KRIT1: variants seen among roughly 807,000 people sequenced by gnomAD.
The protein encoded by KRIT1 is KRIT1 ankyrin repeat containing.
In KRIT1, 45 loss-of-function variants were observed where a neutral mutation model predicts 95.8. The observed-to-expected ratio is 0.47, with a 90% CI of 0.37 to 0.60. The LOEUF (loss-of-function observed/expected upper bound fraction) is 0.60. Ranked by LOEUF, KRIT1 falls within the 20% of genes least tolerant of loss-of-function variation. The probability of loss-of-function intolerance (pLI) is 0.00; values close to 1 mark genes in which losing one functional copy is unlikely to be tolerated. For synonymous variants in KRIT1, 282 were observed against 278.8 expected (o/e 1.01, Z -0.11); for missense variants, 788 against 877.5 (o/e 0.90, Z 1.29).
intron 17 of KRIT1, among the ~76,000 whole-genome samples, chr7:92,207,632 G>A (rs1051801436): frequency 6.6e-6 from 1 of 152,142 alleles, no homozygotes; most frequent in East Asian, 1.9e-4. Flanking sequence ...CGAGGTGGTT[G>A]GATCACCTGA....
At chr7:92,211,066 T>TTATACA (rs2131275457) in intron 17 of KRIT1, among the ~76,000 whole-genome samples, 1 of 152,292 alleles carries the variant, frequency 6.6e-6, no homozygotes, top group African/African-American at 2.4e-5. Context: ...AAGGGAACTT[T>TTATACA]TATACAGAGT....
chr7:92,236,659 A>G, intron 6 of KRIT1, 117 bp from the exon 7 acceptor site: 1 of 742,452 alleles, frequency 1.3e-6, no homozygotes, highest in Non-Finnish European at 2.3e-6. Context: ...AAATTGTTCT[A>G]GATTTGGAAT....
At chr7:92,235,824 A>AT (rs566891412) in intron 7 of KRIT1, 178 bp from the exon 8 acceptor site, 2 of 566,432 alleles carry the variant, frequency 3.5e-6, no homozygotes, top group Non-Finnish European at 6.0e-6. Flanking sequence ...TTGCAAATTG[A>AT]TTTTTTTAAC....
chr7:92,213,742 C>T, intron 16 of KRIT1, 150 bp downstream of exon 16: 1 of 632,736 alleles, frequency 1.6e-6, no homozygotes, highest in Non-Finnish European at 2.8e-6. Flanking sequence ...AAATATCTTG[C>T]TACTTTCAAT....
intron 5 of KRIT1, among the ~76,000 whole-genome samples, chr7:92,238,569 T>C (rs1259132064): frequency 2.6e-5 from 4 of 152,216 alleles, no homozygotes; most frequent in Non-Finnish European, 5.9e-5. Context: ...GTACAAAATA[T>C]AAGTGCTAGA....
intron 10 of KRIT1, among the ~76,000 whole-genome samples, chr7:92,228,586 T>C (rs960243230): frequency 3.3e-5 from 5 of 152,232 alleles, no homozygotes; most frequent in Admixed American, 6.5e-5. Context: ...GTTTTGCTAT[T>C]CTTTTTTTAA....
Position 92,201,366 on chromosome 7 carries a change from T to C in KRIT1, c.2083A>G (p.Thr695Ala), listed in dbSNP as rs774503666. The change falls in exon 18 of 19, where the codon ACT (threonine) becomes GCT (alanine). Residue 695 changes from threonine (T) to alanine (A), a missense_variant. Coordinates refer to ENST00000394505, the MANE Select transcript of KRIT1 (RefSeq NM_194454.3). ...CFMWQLGDTD[T>A]CFQIHSMENK... ...TCCATGCTATGGATCTGAAAACAAG[T>C]ATCAGTATCTCCCAATTGCCACATA... 1.9e-6 allele frequency: 3 copies of C among 1,601,558 alleles called. No homozygotes were observed. Among genetic ancestry groups the C allele is most frequent in the South Asian group, 1.1e-5 (1 of 90,830 alleles).
intron 17 of KRIT1, among the ~76,000 whole-genome samples, chr7:92,209,413 C>CA (rs764262618): frequency 6.6e-6 from 1 of 152,094 alleles, no homozygotes; most frequent in Non-Finnish European, 1.5e-5. Flanking sequence ...AACAGGAAGT[C>CA]AAACTGTCCC....
chr7:92,233,077 T>C (rs1563297150), intron 10 of KRIT1, among the ~76,000 whole-genome samples: 1 of 151,766 alleles, frequency 6.6e-6, no homozygotes, highest in South Asian at 2.1e-4. Flanking sequence ...TTAAAGACAA[T>C]TAGAGTAACT....
chr7:92,219,616 T>C (rs1794715472), intron 14 of KRIT1, among the ~76,000 whole-genome samples: 1 of 152,216 alleles, frequency 6.6e-6, no homozygotes. Flanking sequence ...GCTTTGGCTA[T>C]TTGAGTCCCC....
chr7:92,220,415 G>C (rs1306884146), intron 14 of KRIT1, among the ~76,000 whole-genome samples: 3 of 151,984 alleles, frequency 2.0e-5, no homozygotes, highest in Non-Finnish European at 4.4e-5. Flanking sequence ...TGGCTGAGAG[G>C]ATCTACTCTA....
chr7:92,239,069 G>A (rs1344105041), intron 5 of KRIT1, among the ~76,000 whole-genome samples: 3 of 152,148 alleles, frequency 2.0e-5, no homozygotes, highest in African/African-American at 7.2e-5. Flanking sequence ...GGATATTCAG[G>A]ATACAGTATG....
At chr7:92,223,301 TG>T (rs1407695355) in intron 12 of KRIT1, among the ~76,000 whole-genome samples, 4 of 147,246 alleles carry the variant, frequency 2.7e-5, no homozygotes, top group Non-Finnish European at 6.0e-5. Context: ...AAAAATTAGC[TG>T]GGCGTGGTGG....
In KRIT1 at chr7:92,210,877, C is replaced by T. The variant is rs187057008; in HGVS notation, c.2025+2318G>A. Among the ~76,000 whole-genome samples the T allele has an allele frequency of 2.5e-3, 385 of 152,192 alleles. 4 individuals carry two copies. The highest frequency in any genetic ancestry group is 8.6e-3 in the African/African-American group (357 of 41,544). ...ATTATAAAGTAGGCAATGATTAGAA[C>T]AGACATTTCTCAAAAGAAGACATAC... On this transcript the variant is annotated intron_variant, in intron 17 of 18. Coordinates refer to ENST00000394505, the MANE Select transcript of KRIT1 (RefSeq NM_194454.3).
At chr7:92,221,807 A>G in intron 14 of KRIT1, 95 bp downstream of exon 14, 2 of 993,688 alleles carry the variant, frequency 2.0e-6, no homozygotes, top group Non-Finnish European at 3.1e-6. Context: ...GATCGATTTA[A>G]GGATGTAAGC....
At chr7:92,212,899 G>A (rs564812589) in intron 17 of KRIT1, among the ~76,000 whole-genome samples, 1 of 152,212 alleles carries the variant, frequency 6.6e-6, no homozygotes, top group South Asian at 2.1e-4. Context: ...GCAAGAGTAG[G>A]CAGCATATTA....
At chr7:92,213,087 G>T in intron 17 of KRIT1, 108 bp downstream of exon 17, 2 of 722,302 alleles carry the variant, frequency 2.8e-6, no homozygotes, top group Non-Finnish European at 4.9e-6. Flanking sequence ...TGAATGAGTT[G>T]CAATGAACAG....
Position 92,200,726 on chromosome 7 carries a change from T to C in KRIT1, c.*10A>G. 1 of 1,558,496 alleles carries C rather than the reference T, an allele frequency of 6.4e-7. No individual in the cohort carries two copies. ...AAAATGTGGTGGCTTGAGTAACAGT[T>C]ACTTCTCTTTCATGAATTTCTTTCA... On this transcript the variant is annotated 3_prime_UTR_variant, in exon 19 of 19. Coordinates refer to ENST00000394505, the MANE Select transcript of KRIT1 (RefSeq NM_194454.3).
At chr7:92,234,958 G>C (rs1174904338) in intron 8 of KRIT1, 35 bp from the exon 9 acceptor site, 2 of 950,328 alleles carry the variant, frequency 2.1e-6, no homozygotes, top group Non-Finnish European at 3.5e-6. Flanking sequence ...AACCCATTAA[G>C]AGCTTTGTCA....
Sources: gnomAD v4.1 joint callset for allele counts (sites outside exome capture counted in the v4.1 genomes callset) on GRCh38, gnomAD v4.1.1 for gene constraint, MANE v1.5 for transcripts, NCBI Gene and HGNC (gene_info 2026-07-23, HGNC 2026-07-21) for gene names.